Variants in APBB2 observed in about 807,000 individuals in gnomAD.
The protein encoded by APBB2 is Fe65-like 1.
A neutral mutation model predicts 82.5 loss-of-function variants in APBB2; 38 were observed. The observed-to-expected ratio is 0.46, with a 90% CI of 0.36 to 0.60. The LOEUF (loss-of-function observed/expected upper bound fraction) is 0.60, where lower values mean the gene tolerates loss of function less well. APBB2 is among the 20% of genes least tolerant of loss of function. The pLI is 0.00. For missense variants in APBB2, 772 were observed against 972.3 expected (o/e 0.79, Z 2.74); for synonymous variants, 341 against 368.2 (o/e 0.93, Z 0.85).
intron 12 of APBB2, among the ~76,000 whole-genome samples, chr4:40,845,339 G>T (rs1211873935): frequency 1.3e-5 from 2 of 152,034 alleles, no homozygotes; most frequent in African/African-American, 4.8e-5. Context: ...AGTGGAGAAG[G>T]CTAAATTTAG....
intron 4 of APBB2, among the ~76,000 whole-genome samples, chr4:41,054,845 G>C (rs1236922189): frequency 6.6e-6 from 1 of 151,866 alleles, no homozygotes; most frequent in Non-Finnish European, 1.5e-5. Context: ...TACCATACGG[G>C]GGAGAAGCCT....
chr4:41,163,332 T>C (rs1295190548), intron 1 of APBB2, among the ~76,000 whole-genome samples: 3 of 152,140 alleles, frequency 2.0e-5, no homozygotes, highest in Non-Finnish European at 4.4e-5. Flanking sequence ...TTCTAAAGCA[T>C]TAGTGAGTGT....
At chr4:40,971,935 A>G (rs1578859578) in intron 6 of APBB2, among the ~76,000 whole-genome samples, 1 of 152,338 alleles carries the variant, frequency 6.6e-6, no homozygotes. Context: ...TTTAGCGCGT[A>G]TCCTTACGGG....
intron 2 of APBB2, among the ~76,000 whole-genome samples, chr4:41,121,638 A>G (rs188894218): frequency 4.9e-4 from 75 of 152,312 alleles, no homozygotes; most frequent in African/African-American, 1.7e-3. Flanking sequence ...CCCATTTAAC[A>G]ACAGGCTGTC....
At chr4:41,056,550 G>A (rs1427122910) in intron 4 of APBB2, among the ~76,000 whole-genome samples, 3 of 152,086 alleles carry the variant, frequency 2.0e-5, no homozygotes, top group East Asian at 3.8e-4. Context: ...GATTCTAAAT[G>A]ACACAGTTAC....
chr4:40,930,868 C>T (rs1395053436), intron 10 of APBB2, among the ~76,000 whole-genome samples: 1 of 152,188 alleles, frequency 6.6e-6, no homozygotes, highest in African/African-American at 2.4e-5. Context: ...CTGCCTCAGC[C>T]TCCTGAGTAC....
intron 10 of APBB2, among the ~76,000 whole-genome samples, chr4:40,894,012 G>A (rs1772903032): frequency 6.6e-6 from 1 of 150,574 alleles, no homozygotes; most frequent in Non-Finnish European, 1.5e-5. Flanking sequence ...ATGAGGGCCG[G>A]GCGCGGTGGC....
intron 12 of APBB2, among the ~76,000 whole-genome samples, chr4:40,837,344 TC>T (rs996325157): frequency 2.0e-5 from 3 of 152,216 alleles, no homozygotes; most frequent in African/African-American, 7.2e-5. Context: ...GGGCTATCCT[TC>T]CGTTAGCACT....
In APBB2 at chr4:40,845,588, CAAAAAAAAA is replaced by C. The variant is rs71198606; in HGVS notation, c.1530-15020_1530-15012del. On this transcript the variant is annotated intron_variant, in intron 12 of 17. Coordinates refer to ENST00000508593, the MANE Select transcript of APBB2 (RefSeq NM_004307.2). Reference sequence around the variant, plus strand: ...GAATCCAAATGAAAAGGAAATTCCTCAAAAAAAAAAAAAAAAAAAAAAAAAAACCAGCAC... The same window carrying C: ...GAATCCAAATGAAAAGGAAATTCCTCAAAAAAAAAAAAAAAAAACCAGCAC... Among the ~76,000 whole-genome samples, 99 of 56,484 alleles carry C rather than the reference CAAAAAAAAA, an allele frequency of 1.8e-3. 1 individual carries two copies. Among genetic ancestry groups the C allele is most frequent in the Middle Eastern group, 0.019 (1 of 54 alleles). The allele number at this position is 56,484 out of a possible 152,430, so 37.1% of individuals were successfully genotyped here.
In APBB2 at chr4:40,823,776, A is replaced by G. The variant is rs1046869484; in HGVS notation, c.1817-17T>C. The G allele has an allele frequency of 4.4e-6, 7 of 1,585,544 alleles. No homozygotes were observed. The African/African-American group carries it at 6.8e-5, about 15-fold the overall frequency. Reference sequence around the variant, plus strand: ...TATCCATTCCTGGGGACAGAAAAGGATAATTTAAAGTGTCCTAAAGCCACT... The same window carrying G: ...TATCCATTCCTGGGGACAGAAAAGGGTAATTTAAAGTGTCCTAAAGCCACT... On this transcript the variant is annotated splice_polypyrimidine_tract_variant and intron_variant, in intron 15 of 17. Coordinates refer to ENST00000508593, the MANE Select transcript of APBB2 (RefSeq NM_004307.2).
chr4:40,818,439 G>A (rs974756782), intron 17 of APBB2, among the ~76,000 whole-genome samples: 6 of 152,182 alleles, frequency 3.9e-5, no homozygotes, highest in Admixed American at 6.5e-5. Flanking sequence ...TCACTTAAAC[G>A]TATAATTAAG....
intron 11 of APBB2, 133 bp downstream of exon 11, chr4:40,893,132 C>T: frequency 9.2e-7 from 1 of 1,086,678 alleles, no homozygotes; most frequent in Non-Finnish European, 1.3e-6. Context: ...CCTACACTTC[C>T]TGCATTAATG....
At chr4:41,117,561 G>C (rs1751454983) in intron 2 of APBB2, among the ~76,000 whole-genome samples, 1 of 152,116 alleles carries the variant, frequency 6.6e-6, no homozygotes, top group Non-Finnish European at 1.5e-5. Context: ...AAAGTGCTGG[G>C]ATTACAGGCG....
chr4:41,013,492 A>T (rs1808958729), intron 6 of APBB2, 91 bp downstream of exon 6: 2 of 1,230,542 alleles, frequency 1.6e-6, no homozygotes, highest in Admixed American at 4.4e-5. Context: ...TGCATAATGG[A>T]CATTTTTGGT....
At chr4:40,927,682 A>AT (rs975189745) in intron 10 of APBB2, among the ~76,000 whole-genome samples, 8 of 152,120 alleles carry the variant, frequency 5.3e-5, no homozygotes, top group Non-Finnish European at 7.3e-5. Flanking sequence ...GGGTTTCACC[A>AT]TGTTGCCCAG....
rs561076737 is a variant in APBB2, at chr4:41,150,336, C to A, written c.-416-7194G>T. Among the ~76,000 whole-genome samples the A allele has an allele frequency of 2.8e-4, 43 of 152,234 alleles. 1 individual carries two copies. Among genetic ancestry groups the A allele is most frequent in the African/African-American group, 9.9e-4 (41 of 41,540 alleles). ...GGTGTCTAGTTATTTTGATTAACTTCCAACTTAAGATTAGTAAAAGGCATG... is the reference window on the plus strand; with the variant it reads ...GGTGTCTAGTTATTTTGATTAACTTACAACTTAAGATTAGTAAAAGGCATG... On this transcript the variant is annotated intron_variant, in intron 1 of 17. Coordinates refer to ENST00000508593, the MANE Select transcript of APBB2 (RefSeq NM_004307.2).
intron 6 of APBB2, among the ~76,000 whole-genome samples, chr4:41,002,287 T>G (rs1018081542): frequency 6.6e-6 from 1 of 152,228 alleles, no homozygotes; most frequent in Non-Finnish European, 1.5e-5. Flanking sequence ...GATTAACAGA[T>G]GGAAGACTCT....
At chr4:40,953,381 G>C (rs987055748) in intron 6 of APBB2, among the ~76,000 whole-genome samples, 21 of 151,038 alleles carry the variant, frequency 1.4e-4, no homozygotes, top group Admixed American at 1.4e-3. Context: ...GAATAAATAA[G>C]GATGACAACA....
At position 41,120,714 on chromosome 4, in the gene APBB2, A is replaced by G. The variant is rs28713572; in HGVS notation, c.-260-19964T>C. ...GAGAAAAATGAGTTTCACCATCCGT[A>G]CAGCTTGGGCTGCTTTCACAGGCAC... On this transcript the variant is annotated intron_variant, in intron 2 of 17. Transcript: ENST00000508593. 1.0e-2 allele frequency among the ~76,000 whole-genome samples: 1,519 copies of G among 152,294 alleles called. 29 individuals are homozygous for G. Among genetic ancestry groups the G allele is most frequent in the African/African-American group, 0.033 (1,365 of 41,558 alleles).
Sources: allele counts gnomAD v4.1 joint callset (sites outside exome capture counted in the v4.1 genomes callset), GRCh38; gene constraint gnomAD v4.1.1; transcripts MANE v1.5; gene names NCBI Gene and HGNC (gene_info 2026-07-23, HGNC 2026-07-21).